ZNF724: variants seen among roughly 807,000 people sequenced by gnomAD.
ZNF724 encodes the protein zinc finger protein 724 pseudogene.
A neutral mutation model predicts 29.3 loss-of-function variants in ZNF724; 14 were observed. The ratio of observed to expected loss-of-function variants is 0.48; its 90% confidence interval spans 0.32 to 0.75. The LOEUF (loss-of-function observed/expected upper bound fraction) is 0.75. ZNF724 is among the 30% of genes least tolerant of loss of function. The pLI is 0.04. For synonymous variants in ZNF724, 180 were observed against 193.6 expected (o/e 0.93, Z 0.58); for missense variants, 557 against 571.2 (o/e 0.98, Z 0.25).
At position 23,249,610 on chromosome 19, in the gene ZNF724, A is replaced by G. The variant is rs1395963636; in HGVS notation, c.3+630T>C. Among the ~76,000 whole-genome samples, 3 of 152,270 alleles carry G rather than the reference A, an allele frequency of 2.0e-5. No homozygotes were observed. The East Asian group carries it at 5.8e-4, about 29-fold the overall frequency. ...AAACGGGGGTTTCACCATGTTGGTCAGGCTGGTCTCGAACTCCTGACCTCG... is the reference window on the plus strand; with the variant it reads ...AAACGGGGGTTTCACCATGTTGGTCGGGCTGGTCTCGAACTCCTGACCTCG... On this transcript the variant is annotated intron_variant, in intron 1 of 3. Coordinates refer to ENST00000418100, the MANE Select transcript of ZNF724 (RefSeq NM_001355404.2).
At position 23,223,976 on chromosome 19, in the gene ZNF724, C is replaced by A; in HGVS notation, c.269G>T (p.Ser90Ile). The A allele has an allele frequency of 2.8e-6, 2 of 717,868 alleles. No individual in the cohort carries two copies. The highest frequency in any genetic ancestry group is 2.5e-6 in the Non-Finnish European group (1 of 393,160). The allele number at this position is 717,868 out of a possible 1,614,324, so 44.5% of individuals were successfully genotyped here. The change falls in exon 4 of 4, where the codon AGC becomes ATC. Residue 90 changes from serine (S) to isoleucine (I), a missense_variant. By Grantham distance (142) the Ser-to-Ile change is moderately radical (BLOSUM62 -2). Transcript: ENST00000418100. The part of the protein sequence containing the change: ...YFAQDLRPEQ[S>I]IKASLQRIIL... Reference sequence around the variant, plus strand: ...TATTCTTTGCAAAGAAGCTTTTATGCTCTGCTCTGGCCGAAGGTCTTGGGC... The same window carrying A: ...TATTCTTTGCAAAGAAGCTTTTATGATCTGCTCTGGCCGAAGGTCTTGGGC...
At chr19:23,248,928 G>GA (rs1251313948) in intron 1 of ZNF724, among the ~76,000 whole-genome samples, 5 of 152,118 alleles carry the variant, frequency 3.3e-5, no homozygotes, top group African/African-American at 1.2e-4. Context: ...CCGGGAGGTG[G>GA]AGGTTGCAGA....
rs553777686 is a variant in ZNF724, at chr19:23,249,079, A to T, written c.3+1161T>A. ...AAAGACAGGAAGACAGAAAGAATAT[A>T]ACTGTACCTAACCAATTATTGAATT... On this transcript the variant is annotated intron_variant, in intron 1 of 3. Transcript: ENST00000418100. Among the ~76,000 whole-genome samples, 4 of 152,194 alleles carry T rather than the reference A, an allele frequency of 2.6e-5. No individual in the cohort carries two copies. The East Asian group carries it at 5.8e-4, about 22-fold the overall frequency.
chr19:23,224,050 C>T, intron 3 of ZNF724, 32 bp from the exon 4 acceptor site: 1 of 617,160 alleles, frequency 1.6e-6, no homozygotes, highest in Non-Finnish European at 2.9e-6. Context: ...ACTTACTCCA[C>T]ATACTAGACT....
At chr19:23,243,483 A>T (rs10418849) in intron 1 of ZNF724, among the ~76,000 whole-genome samples, 1,503 of 50,722 alleles carry the variant, frequency 0.03, 9 homozygotes, top group East Asian at 0.099. Flanking sequence ...CTCAAAAAAA[A>T]AAAAAAAAAA....
chr19:23,241,478 T>C (rs1401453318), intron 1 of ZNF724, among the ~76,000 whole-genome samples: 2 of 152,078 alleles, frequency 1.3e-5, no homozygotes, highest in African/African-American at 2.4e-5. Flanking sequence ...TTGATGAACA[T>C]TGCTGCAAAA....
At position 23,232,168 on chromosome 19, in the gene ZNF724, C is replaced by T; in HGVS notation, c.129G>A (p.Leu43=). ...MLENYRNLVF[L]GIAVSKPDLI... ...ATTGTGTATTGAAGTTATTCTCACC[C>T]AGGAAGACCAGGTTTCTGTAGTTCT... Residue 43 remains leucine, a splice_region_variant and synonymous_variant, in exon 2 of 4, where the codon CTG becomes CTA. Transcript: ENST00000418100. The T allele has an allele frequency of 7.5e-7, 1 of 1,340,400 alleles. No individual in the cohort carries two copies. Among genetic ancestry groups the T allele is most frequent in the Non-Finnish European group, 1.1e-6 (1 of 931,536 alleles). 83.0% of individuals were successfully genotyped at this position (1,340,400 alleles called of 1,614,324 possible). A position where few individuals can be genotyped will look rare whatever the true frequency, so the allele number is the denominator to read the frequency against.
intron 3 of ZNF724, among the ~76,000 whole-genome samples, chr19:23,229,669 G>A (rs1292987008): frequency 6.6e-6 from 1 of 152,192 alleles, no homozygotes; most frequent in African/African-American, 2.4e-5. Context: ...GTAAACCCTT[G>A]TGCAGACATA....
intron 1 of ZNF724, among the ~76,000 whole-genome samples, chr19:23,240,659 G>A (rs1972104874): frequency 6.6e-6 from 1 of 150,834 alleles, no homozygotes; most frequent in South Asian, 2.1e-4. Flanking sequence ...GGCGAAGGTT[G>A]CGGTAATCTG....
Position 23,243,599 on chromosome 19 carries a change from G to C in ZNF724, c.3+6641C>G, listed in dbSNP as rs191006476. On this transcript the variant is annotated intron_variant, in intron 1 of 3. Transcript: ENST00000418100. Reference sequence around the variant, plus strand: ...CATGGATGCAAAGAGGGGAAAAACAGACACAGGCCTAGTTGAGGTTGGCAG... The same window carrying C: ...CATGGATGCAAAGAGGGGAAAAACACACACAGGCCTAGTTGAGGTTGGCAG... 8.2e-4 allele frequency among the ~76,000 whole-genome samples: 123 copies of C among 150,408 alleles called. 3 individuals are homozygous for C. Among genetic ancestry groups the C allele is most frequent in the Non-Finnish European group, 1.9e-4 (13 of 67,766 alleles).
chr19:23,225,704 C>CTA, intron 3 of ZNF724, among the ~76,000 whole-genome samples: 1 of 152,064 alleles, frequency 6.6e-6, no homozygotes. Context: ...ATGATGCATA[C>CTA]TATATGATTC....
chr19:23,236,882 T>C (rs1046608601), intron 1 of ZNF724: 1 of 152,152 alleles, frequency 6.6e-6, no homozygotes, highest in Non-Finnish European at 1.5e-5. Flanking sequence ...AGACAGAGTC[T>C]TGCTTTCTCA....
chr19:23,248,309 T>C (rs1478866929), intron 1 of ZNF724, among the ~76,000 whole-genome samples: 6 of 152,148 alleles, frequency 3.9e-5, no homozygotes, highest in African/African-American at 7.2e-5. Flanking sequence ...GGAAAGAAAG[T>C]TGACAGTTCC....
At chr19:23,240,717 T>TAAAAA (rs34692737) in intron 1 of ZNF724, among the ~76,000 whole-genome samples, 49 of 108,690 alleles carry the variant, frequency 4.5e-4, no homozygotes, top group African/African-American at 1.8e-3. Context: ...GGATTCCACC[T>TAAAAA]AAAAAAAAAA....
chr19:23,225,363 G>A (rs1971808613), intron 3 of ZNF724, among the ~76,000 whole-genome samples: 1 of 152,116 alleles, frequency 6.6e-6, no homozygotes, highest in East Asian at 1.9e-4. Flanking sequence ...CTAGCACTTT[G>A]GGAGGCAGAA....
rs759426596 is a variant in ZNF724, at chr19:23,222,960, T to C, written c.1285A>G (p.Lys429Glu). ...EKPYKCEECG[K>E]AFNQFSQLTT... is the part of the protein sequence containing the mutation. ...AGTTGTGAGAACTGGTTAAAGGCTT[T>C]GCCACATTCTTCACATTTGTAGGGT... The change falls in exon 4 of 4, where the codon AAA becomes GAA. Residue 429 changes from lysine to glutamate, a missense_variant. Around this residue, in one of 3 missense-constraint regions of ZNF724, gnomAD observed 362 missense variants for 295.5 expected, o/e 1.22. Coordinates refer to ENST00000418100, the MANE Select transcript of ZNF724 (RefSeq NM_001355404.2). 16 of 1,378,664 alleles carry C rather than the reference T, an allele frequency of 1.2e-5. No homozygotes were observed. Among genetic ancestry groups the C allele is most frequent in the Non-Finnish European group, 1.4e-5 (14 of 966,858 alleles). The allele number at this position is 1,378,664 out of a possible 1,614,324, so 85.4% of individuals were successfully genotyped here.
intron 1 of ZNF724, among the ~76,000 whole-genome samples, chr19:23,241,465 T>TC (rs1972122912): frequency 6.6e-6 from 1 of 152,070 alleles, no homozygotes; most frequent in South Asian, 2.1e-4. Flanking sequence ...CAGGCTAATA[T>TC]CCTTGATGAA....
At position 23,231,328 on chromosome 19, in the gene ZNF724, C is replaced by G. The variant is rs1314948207; in HGVS notation, c.164G>C (p.Cys55Ser). ...CCAGGGCTCTTTGCCTTGCTCCAGA[C>G]AGGTGATCAGGTCTGGCTTAGAGAC... Reference protein sequence around the residue: ...IAVSKPDLITCLEQGKEPWNM... With the variant: ...IAVSKPDLITSLEQGKEPWNM... The change falls in exon 3 of 4, where the codon TGT becomes TCT. Residue 55 changes from cysteine (C) to serine (S), a missense_variant. Around this residue, in one of 3 missense-constraint regions of ZNF724, gnomAD observed 362 missense variants for 295.5 expected, o/e 1.22. Transcript: ENST00000418100. The G allele has an allele frequency of 7.2e-7, 1 of 1,386,862 alleles. No homozygotes were observed. The highest frequency in any genetic ancestry group is 1.0e-6 in the Non-Finnish European group (1 of 975,590). The allele number at this position is 1,386,862 out of a possible 1,614,324, so 85.9% of individuals were successfully genotyped here.
intron 3 of ZNF724, among the ~76,000 whole-genome samples, chr19:23,229,068 A>G (rs965903046): frequency 6.1e-5 from 4 of 65,782 alleles, no homozygotes; most frequent in African/African-American, 3.4e-4. Flanking sequence ...GTCTCAAAAG[A>G]AAAAAAAAAA....
Sources: allele counts gnomAD v4.1 joint callset (sites outside exome capture counted in the v4.1 genomes callset), GRCh38; gene constraint gnomAD v4.1.1; regional missense constraint gnomAD v4.1.1; transcripts MANE v1.5; gene names NCBI Gene and HGNC (gene_info 2026-07-23, HGNC 2026-07-21).